Variants in PXDNL observed in about 807,000 individuals in gnomAD.
PXDNL encodes peroxidasin like, also known as probable oxidoreductase PXDNL.
In PXDNL, 145 loss-of-function variants were observed where a neutral mutation model predicts 150.8. The observed-to-expected ratio is 0.96, with a 90% CI of 0.84 to 1.10. The LOEUF is 1.10. PXDNL is among the 50% of genes least tolerant of loss of function. The pLI is 0.00. For synonymous variants in PXDNL, 757 were observed against 725.7 expected, an observed-to-expected ratio of 1.04 and a Z score of -0.69; for missense variants, 2,087 against 1,873.9, an observed-to-expected ratio of 1.11 and a Z score of -2.10.
intron 1 of PXDNL, among the ~76,000 whole-genome samples, chr8:51,784,935 C>A (rs1435267193): frequency 6.6e-6 from 1 of 152,092 alleles, no homozygotes; most frequent in Non-Finnish European, 1.5e-5. Flanking sequence ...ATAGGTTTTG[C>A]TTATTGAAAT....
At chr8:51,377,799 C>A (rs932243611) in intron 17 of PXDNL, among the ~76,000 whole-genome samples, 1 of 152,210 alleles carries the variant, frequency 6.6e-6, no homozygotes, top group Non-Finnish European at 1.5e-5. Flanking sequence ...TGAGCCTCCC[C>A]CACACCGCGG....
chr8:51,333,898 C>T (rs1326779132), intron 21 of PXDNL, among the ~76,000 whole-genome samples: 1 of 152,144 alleles, frequency 6.6e-6, no homozygotes, highest in African/African-American at 2.4e-5. Context: ...ACTGACAGCA[C>T]TAGACAGGTC....
rs183121960 is a variant in PXDNL at position 51,784,747 on chromosome 8, T to A, written c.164+24434A>T. 5.2e-3 allele frequency among the ~76,000 whole-genome samples: 770 copies of A among 147,468 alleles called. 6 individuals are homozygous for A. The highest frequency in any genetic ancestry group is 0.017 in the African/African-American group (714 of 41,160). ...TTTTCCTGCAGTTAGAAAAAAAAAA[T>A]TATTCTGCTTTGCTTCCCTTTACAA... On this transcript the variant is annotated intron_variant, in intron 1 of 22. Coordinates refer to ENST00000356297, the MANE Select transcript of PXDNL (RefSeq NM_144651.5).
At chr8:51,724,029 A>C (rs575015785) in intron 1 of PXDNL, among the ~76,000 whole-genome samples, 9 of 125,516 alleles carry the variant, frequency 7.2e-5, no homozygotes, top group Middle Eastern at 5.2e-3. Flanking sequence ...AAAAGGAAAG[A>C]GGGAGGCATG....
intron 17 of PXDNL, among the ~76,000 whole-genome samples, chr8:51,398,331 G>A (rs1252603960): frequency 1.3e-5 from 2 of 152,198 alleles, no homozygotes; most frequent in South Asian, 2.1e-4. Flanking sequence ...CGGGACCTGC[G>A]GTGGGGAGTG....
At chr8:51,472,354 C>T in intron 7 of PXDNL, 50 bp from the exon 8 acceptor site, 1 of 1,391,380 alleles carries the variant, frequency 7.2e-7, no homozygotes, top group Non-Finnish European at 1.0e-6. Flanking sequence ...AAAATTATGG[C>T]CTTCCAAGAT....
chr8:51,801,866 G>A (rs1251497849), intron 1 of PXDNL, among the ~76,000 whole-genome samples: 2 of 152,208 alleles, frequency 1.3e-5, no homozygotes, highest in Non-Finnish European at 2.9e-5. Context: ...CTGGTAAGCT[G>A]TTGGGAAATC....
rs148095941 is a variant in PXDNL at position 51,375,968 on chromosome 8, A to T, written c.3558-1237T>A. 3.6e-4 allele frequency among the ~76,000 whole-genome samples: 55 copies of T among 152,376 alleles called. 1 individual carries two copies. The East Asian group carries it at 0.01, about 28-fold the overall frequency. On this transcript the variant is annotated intron_variant, in intron 17 of 22. Transcript: ENST00000356297. ...TTAGAAAAGTAGGTCAGATTTGGCC[A>T]CTTGGCTGTGGTTTGCAGATCCCTG...
At chr8:51,758,975 G>A (rs1213483387) in intron 1 of PXDNL, among the ~76,000 whole-genome samples, 1 of 152,140 alleles carries the variant, frequency 6.6e-6, no homozygotes, top group African/African-American at 2.4e-5. Flanking sequence ...TGGAAACTCA[G>A]TATCACCTTT....
intron 17 of PXDNL, among the ~76,000 whole-genome samples, chr8:51,383,131 T>A (rs997741634): frequency 6.6e-6 from 1 of 152,210 alleles, no homozygotes; most frequent in Non-Finnish European, 1.5e-5. Flanking sequence ...CTGAGATCCA[T>A]AAGCTCTCAA....
chr8:51,596,819 GCA>G (rs890001811), intron 2 of PXDNL, among the ~76,000 whole-genome samples: 5 of 152,080 alleles, frequency 3.3e-5, no homozygotes, highest in Non-Finnish European at 5.9e-5. Context: ...TTTATCGGAT[GCA>G]CAGTTTGTAG....
chr8:51,622,339 T>C (rs546192184), intron 2 of PXDNL, among the ~76,000 whole-genome samples: 1 of 152,258 alleles, frequency 6.6e-6, no homozygotes, highest in African/African-American at 2.4e-5. Context: ...CTGCCAGACT[T>C]TGAGCCCACA....
At chr8:51,385,791 C>T (rs115755946) in intron 17 of PXDNL, among the ~76,000 whole-genome samples, 3,632 of 152,262 alleles carry the variant, frequency 0.024, 58 homozygotes, top group African/African-American at 0.033. Context: ...GTAAGTCTCA[C>T]AAGAGCTAAT....
chr8:51,427,123 TA>T (rs1439806419), intron 12 of PXDNL, among the ~76,000 whole-genome samples: 5 of 152,174 alleles, frequency 3.3e-5, no homozygotes, highest in Non-Finnish European at 7.4e-5. Flanking sequence ...GTAGCTAAGA[TA>T]AAAAGATCCA....
At chr8:51,522,246 A>T (rs1464878670) in intron 4 of PXDNL, among the ~76,000 whole-genome samples, 2 of 152,230 alleles carry the variant, frequency 1.3e-5, no homozygotes, top group Non-Finnish European at 2.9e-5. Context: ...TCAGAAAAAG[A>T]TCATCAAAAA....
intron 17 of PXDNL, among the ~76,000 whole-genome samples, chr8:51,382,279 A>G (rs1807571906): frequency 6.6e-6 from 1 of 151,848 alleles, no homozygotes; most frequent in South Asian, 2.1e-4. Context: ...AAACTAGGAA[A>G]AGCAAAGGAT....
At chr8:51,393,386 G>T (rs542999052) in intron 17 of PXDNL, among the ~76,000 whole-genome samples, 21 of 152,300 alleles carry the variant, frequency 1.4e-4, no homozygotes, top group African/African-American at 4.8e-4. Context: ...CTAAGAACAA[G>T]TACAAAAGGC....
intron 5 of PXDNL, among the ~76,000 whole-genome samples, chr8:51,498,932 A>G (rs1056887234): frequency 1.3e-5 from 2 of 152,254 alleles, no homozygotes; most frequent in Admixed American, 6.5e-5. Flanking sequence ...ACAACAGCTT[A>G]TTTCTCTACT....
rs1466163547 is a variant in PXDNL, at chr8:51,408,243, G to T, written c.3381C>A (p.Phe1127Leu). Residue 1127 changes from phenylalanine to leucine, a missense_variant, in exon 17 of 23, where the codon TTC (phenylalanine) becomes TTA (leucine). Phe to Leu is a conservative substitution (Grantham distance 22). Transcript: ENST00000356297. The stretch of plus-strand genomic sequence containing the variant: ...CCACGGCCGCAGAATAAGCCGCGGA[G>T]AAGAGCCTCTGGGTCAGCTCAGGAC... ...LLSPELTQRL[F>L]SAAYSAAVDS... 1.2e-6 allele frequency: 2 copies of T among 1,614,026 alleles called. No homozygotes were observed. Among genetic ancestry groups the T allele is most frequent in the Non-Finnish European group, 1.7e-6 (2 of 1,179,890 alleles).
Sources: allele counts gnomAD v4.1 joint callset (sites outside exome capture counted in the v4.1 genomes callset), GRCh38; gene constraint gnomAD v4.1.1; transcripts MANE v1.5; gene names NCBI Gene and HGNC (gene_info 2026-07-23, HGNC 2026-07-21).